Variants in TNS4 observed in about 807,000 individuals in gnomAD.
The protein encoded by TNS4 is tensin 4.
Under a neutral mutation model 70.4 loss-of-function variants are expected in TNS4, and 46 were observed. The observed-to-expected ratio is 0.65, with a 90% CI of 0.52 to 0.84. The LOEUF (loss-of-function observed/expected upper bound fraction) is 0.84. TNS4 is among the 40% of genes least tolerant of loss of function. The pLI is 0.00. For synonymous variants in TNS4, 390 were observed against 366.6 expected (o/e 1.06, Z -0.73); for missense variants, 863 against 907.0 (o/e 0.95, Z 0.62).
chr17:40,478,436 C>A, intron 11 of TNS4, 103 bp from the exon 12 acceptor site: 4 of 1,486,364 alleles, frequency 2.7e-6, no homozygotes, highest in Non-Finnish European at 3.7e-6. Flanking sequence ...CCCCACCATG[C>A]CCCACCCTAC....
Position 40,484,997 on chromosome 17 carries a change from C to T in TNS4, c.1299G>A (p.Arg433=), listed in dbSNP as rs375879315. The T allele has an allele frequency of 1.9e-5, 31 of 1,614,034 alleles. No individual in the cohort carries two copies. Among genetic ancestry groups the T allele is most frequent in the East Asian group, 1.6e-4 (7 of 44,892 alleles). Residue 433 remains arginine, a synonymous_variant, in exon 5 of 13, where the codon AGG becomes AGA. Transcript: ENST00000254051. ...PFTTCPEGPA[R]DMQPTMKFVM... Reference sequence around the variant, plus strand: ...CGAACTTCATGGTGGGCTGCATGTCCCTGGCGGGACCTGGAGACAGACAGA... The same window carrying T: ...CGAACTTCATGGTGGGCTGCATGTCTCTGGCGGGACCTGGAGACAGACAGA...
intron 2 of TNS4, among the ~76,000 whole-genome samples, chr17:40,489,620 C>T (rs764068753): frequency 6.6e-6 from 1 of 152,008 alleles, no homozygotes; most frequent in Non-Finnish European, 1.5e-5. Context: ...CCAGCCTGGC[C>T]AACATGGCAA....
In TNS4 at chr17:40,495,992, G is replaced by C. The variant is rs770474084; in HGVS notation, c.434C>G (p.Ala145Gly). The C allele has an allele frequency of 1.2e-5, 19 of 1,608,262 alleles. No homozygotes were observed. Among genetic ancestry groups the C allele is most frequent in the Non-Finnish European group, 1.5e-5 (18 of 1,177,780 alleles). ...ACTGTGCCCCAAATCCTTACCCAAGGCTTCAGATTCCTCCTTCTTTCTCAT... is the reference window on the plus strand; with the variant it reads ...ACTGTGCCCCAAATCCTTACCCAAGCCTTCAGATTCCTCCTTCTTTCTCAT... The part of the protein sequence containing the change: ...MSMRKKEESE[A>G]LDIKYIEVTS... The change falls in exon 2 of 13, where the codon GCC becomes GGC. Residue 145 changes from alanine to glycine, a missense_variant. Transcript: ENST00000254051.
At position 40,488,785 on chromosome 17, in the gene TNS4, G is replaced by T; in HGVS notation, c.624C>A (p.Gly208=). 6.2e-7 allele frequency: 1 copy of T among 1,612,730 alleles called. No homozygotes were observed. The highest frequency in any genetic ancestry group is 8.5e-7 in the Non-Finnish European group (1 of 1,179,604). The change falls in exon 3 of 13, where the codon GGC becomes GGA. Residue 208 remains glycine, a synonymous_variant. Coordinates refer to ENST00000254051, the MANE Select transcript of TNS4 (RefSeq NM_032865.6). ...GGGGCAGAGGGCGCTGGTGCCCCCT[G>T]CCCTGGTTCCCAGAGAAGATGAGGC... ...SESLIFSGNQ[G]RGHQRPLPPS...
intron 1 of TNS4, among the ~76,000 whole-genome samples, chr17:40,500,380 G>T (rs975428089): frequency 6.6e-6 from 1 of 152,132 alleles, no homozygotes; most frequent in East Asian, 1.9e-4. Context: ...CCTGAATGCT[G>T]CCCCCTTCGC....
At position 40,488,641 on chromosome 17, in the gene TNS4, C is replaced by T. The variant is rs750698774; in HGVS notation, c.768G>A (p.Leu256=). 7 of 1,537,308 alleles carry T rather than the reference C, an allele frequency of 4.6e-6. No individual in the cohort carries two copies. In the Admixed American group the frequency reaches 1.3e-4, roughly 28 times the overall value. ...LGSPLVASPR[L]EKRLGGLAPQ... Reference sequence around the variant, plus strand: ...GGGCCAGGCCTCCCAGCCGCTTCTCCAGTCTTGGAGAAGCCACCAGCGGGG... The same window carrying T: ...GGGCCAGGCCTCCCAGCCGCTTCTCTAGTCTTGGAGAAGCCACCAGCGGGG... Residue 256 remains leucine (L), a synonymous_variant, in exon 3 of 13, where the codon CTG becomes CTA. Transcript: ENST00000254051.
intron 6 of TNS4, among the ~76,000 whole-genome samples, chr17:40,483,480 C>T (rs555604052): frequency 2.6e-5 from 4 of 152,272 alleles, no homozygotes; most frequent in East Asian, 3.9e-4. Flanking sequence ...GGATTACTGG[C>T]GTGAGCCACT....
chr17:40,490,898 T>A (rs2036059172), intron 2 of TNS4, among the ~76,000 whole-genome samples: 1 of 152,240 alleles, frequency 6.6e-6, no homozygotes, highest in African/African-American at 2.4e-5. Flanking sequence ...GCCGGGAGCC[T>A]GGCCCATGGT....
chr17:40,491,678 G>A (rs1346724835), intron 2 of TNS4, among the ~76,000 whole-genome samples: 2 of 151,932 alleles, frequency 1.3e-5, no homozygotes, highest in Non-Finnish European at 2.9e-5. Context: ...GGGGAGGGAG[G>A]AGCCCCGTGC....
intron 10 of TNS4, among the ~76,000 whole-genome samples, chr17:40,479,102 A>G (rs138198817): frequency 9.9e-4 from 150 of 152,246 alleles, no homozygotes; most frequent in South Asian, 1.7e-3. Flanking sequence ...CAATGGGTGC[A>G]GGCATAATCG....
intron 1 of TNS4, among the ~76,000 whole-genome samples, chr17:40,499,641 C>CG (rs2036188174): frequency 6.6e-6 from 1 of 152,202 alleles, no homozygotes; most frequent in African/African-American, 2.4e-5. Flanking sequence ...CTGCAGGGGG[C>CG]GGGGCATCCC....
At chr17:40,478,014 G>C (rs989808316) in intron 12 of TNS4, 6 of 599,232 alleles carry the variant, frequency 1.0e-5, no homozygotes, top group Non-Finnish European at 1.8e-5. Context: ...AGCTCCCTGA[G>C]GGCAAGGATG....
In TNS4 at chr17:40,496,261, G is replaced by A. The variant is rs1179651578; in HGVS notation, c.165C>T (p.Ala55=). ...CAGGGGGCCCCATGCAGGGCACGGG[G>A]GCCATCAGGGCCTGGGCTCCCCAGC... The part of the protein sequence containing the change: ...TEGWGAQALM[A]PVPCMGPPGR... Residue 55 remains alanine, a synonymous_variant, in exon 2 of 13, where the codon GCC becomes GCT. Coordinates refer to ENST00000254051, the MANE Select transcript of TNS4 (RefSeq NM_032865.6). 1.2e-6 allele frequency: 2 copies of A among 1,604,526 alleles called. No homozygotes were observed.
intron 2 of TNS4, among the ~76,000 whole-genome samples, chr17:40,494,833 G>A (rs967881425): frequency 2.0e-4 from 30 of 151,902 alleles, no homozygotes; most frequent in Non-Finnish European, 4.1e-4. Context: ...TCCAGTAAGT[G>A]TAATATCTTA....
chr17:40,499,372 A>G (rs1330208103), intron 1 of TNS4, among the ~76,000 whole-genome samples: 1 of 152,130 alleles, frequency 6.6e-6, no homozygotes, highest in Non-Finnish European at 1.5e-5. Context: ...TTGAGACAGG[A>G]GTCTTGCTGA....
At chr17:40,488,494 G>T in intron 3 of TNS4, 52 bp downstream of exon 3, 1 of 1,439,816 alleles carries the variant, frequency 6.9e-7, no homozygotes, top group Non-Finnish European at 9.2e-7. Flanking sequence ...GGGGGTGCAT[G>T]CGTGCGTGTG....
intron 1 of TNS4, among the ~76,000 whole-genome samples, chr17:40,501,044 G>A (rs1290392503): frequency 6.6e-6 from 1 of 152,176 alleles, no homozygotes. Context: ...TAGTTCCCTT[G>A]AACTGCTGAA....
intron 12 of TNS4, 84 bp downstream of exon 12, chr17:40,478,223 C>G: frequency 6.4e-7 from 1 of 1,568,606 alleles, no homozygotes; most frequent in Non-Finnish European, 8.8e-7. Context: ...ACACTTTGGA[C>G]TATTAAAGTC....
intron 6 of TNS4, 105 bp downstream of exon 6, chr17:40,484,379 C>T: frequency 6.6e-7 from 1 of 1,516,984 alleles, no homozygotes; most frequent in Admixed American, 1.9e-5. Context: ...TGTTATAAGA[C>T]TGGCGCCATG....
Sources: gnomAD v4.1 joint callset for allele counts (sites outside exome capture counted in the v4.1 genomes callset) on GRCh38, gnomAD v4.1.1 for gene constraint, MANE v1.5 for transcripts, NCBI Gene and HGNC (gene_info 2026-07-23, HGNC 2026-07-21) for gene names.